CHGB: variants seen among roughly 807,000 people sequenced by gnomAD.
CHGB encodes chromogranin B.
A neutral mutation model predicts 69.9 loss-of-function variants in CHGB; 46 were observed. The observed-to-expected ratio is 0.66, with a 90% CI of 0.52 to 0.84. The LOEUF (loss-of-function observed/expected upper bound fraction) is 0.84, where lower values mean the gene tolerates loss of function less well. Ranked by LOEUF, CHGB falls within the 40% of genes least tolerant of loss-of-function variation. The pLI, the probability that CHGB is intolerant of heterozygous loss-of-function variation, is 0.00. For missense variants in CHGB, 796 were observed against 822.2 expected (o/e 0.97, Z 0.39); for synonymous variants, 312 against 298.2 (o/e 1.05, Z -0.48).
At chr20:5,917,365 T>C (rs970485175) in intron 3 of CHGB, 1 of 160,944 alleles carries the variant, frequency 6.2e-6, no homozygotes, top group Admixed American at 5.9e-5. Context: ...TCTTTGCCTT[T>C]TGCTCTTCTG....
At position 5,924,074 on chromosome 20, in the gene CHGB, G is replaced by A; in HGVS notation, c.1930G>A (p.Asp644Asn). ...QEAENEKDRADQTVLTEDEKK... is the reference protein window; with the variant it reads ...QEAENEKDRANQTVLTEDEKK... ...GGCAGAAAATGAAAAGGACAGGGCTGACCAGACAGTCCTGACAGAGGACGA... is the reference window on the plus strand; with the variant it reads ...GGCAGAAAATGAAAAGGACAGGGCTAACCAGACAGTCCTGACAGAGGACGA... The change falls in exon 4 of 5, where the codon GAC becomes AAC. Residue 644 changes from aspartate (D) to asparagine (N), a missense_variant. Around this residue, in one of 3 missense-constraint regions of CHGB, gnomAD observed 274 missense variants for 298.9 expected, o/e 0.92. Transcript: ENST00000378961. 2 of 1,612,190 alleles carry A rather than the reference G, an allele frequency of 1.2e-6. No homozygotes were observed. The highest frequency in any genetic ancestry group is 1.7e-6 in the Non-Finnish European group (2 of 1,179,080).
intron 3 of CHGB, among the ~76,000 whole-genome samples, chr20:5,919,818 C>T (rs1468339682): frequency 6.6e-6 from 1 of 152,182 alleles, no homozygotes; most frequent in Admixed American, 6.5e-5. Flanking sequence ...CTCTGTTCCA[C>T]CCCACGCCCA....
In CHGB at chr20:5,911,511, C is replaced by G. The variant is rs1175095005; in HGVS notation, c.-123C>G. The G allele has an allele frequency of 9.3e-7, 1 of 1,070,586 alleles. No individual in the cohort carries two copies. Among genetic ancestry groups the G allele is most frequent in the Non-Finnish European group, 1.3e-6 (1 of 753,300 alleles). The allele number at this position is 1,070,586 out of a possible 1,614,324, so 66.3% of individuals were successfully genotyped here. A position where few individuals can be genotyped will look rare whatever the true frequency, so the allele number is the denominator to read the frequency against. On this transcript the variant is annotated 5_prime_UTR_variant, in exon 1 of 5. Transcript: ENST00000378961. ...AGCGGGGCCTGCGCCGGCCGCGCCACACCGCGGGGACCAGGAGGCACGCTG... is the reference window on the plus strand; with the variant it reads ...AGCGGGGCCTGCGCCGGCCGCGCCAGACCGCGGGGACCAGGAGGCACGCTG...
At chr20:5,915,097 A>T (rs2088467941) in intron 1 of CHGB, among the ~76,000 whole-genome samples, 1 of 152,228 alleles carries the variant, frequency 6.6e-6, no homozygotes, top group African/African-American at 2.4e-5. Flanking sequence ...TCTCCTGCTC[A>T]GTTGCCTGCT....
chr20:5,918,639 C>T (rs2088493521), intron 3 of CHGB, among the ~76,000 whole-genome samples: 1 of 151,354 alleles, frequency 6.6e-6, no homozygotes, highest in South Asian at 2.1e-4. Flanking sequence ...AGTGAAACCC[C>T]ATCTCTACTA....
chr20:5,916,453 C>T (rs2088476095), intron 2 of CHGB, 81 bp downstream of exon 2: 1 of 1,198,092 alleles, frequency 8.3e-7, no homozygotes, highest in South Asian at 1.3e-5. Context: ...CCAAACCAAA[C>T]ACACGCATGA....
In CHGB at chr20:5,922,485, G is replaced by A. The variant is rs777454124; in HGVS notation, c.341G>A (p.Gly114Asp). The stretch of plus-strand genomic sequence containing the variant: ...GCCCCAGGGGAGGAGGACATCCAAG[G>A]CCCAACAAAGGCAGACACAGAGAAA... ...AGAPGEEDIQGPTKADTEKWA... is the reference protein window; with the variant it reads ...AGAPGEEDIQDPTKADTEKWA... Residue 114 changes from glycine to aspartate, a missense_variant, in exon 4 of 5, where the codon GGC becomes GAC. Transcript: ENST00000378961. 1 of 1,613,502 alleles carries A rather than the reference G, an allele frequency of 6.2e-7. No individual in the cohort carries two copies. The highest frequency in any genetic ancestry group is 1.6e-4 in the Middle Eastern group (1 of 6,062).
In CHGB at chr20:5,911,676, C is replaced by A; in HGVS notation, c.43C>A (p.Leu15Met). The A allele has an allele frequency of 6.8e-7, 1 of 1,477,250 alleles. No individual in the cohort carries two copies. The highest frequency in any genetic ancestry group is 8.9e-7 in the Non-Finnish European group (1 of 1,119,718). 91.5% of individuals were successfully genotyped at this position (1,477,250 alleles called of 1,614,324 possible). ...TCTCAGCCTCCTGGGAGCCGTGGGG[C>A]TGGCGGGTGAGTGGGCGCGGCGGGC... ...LLLSLLGAVG[L>M]AAVNSMPVDN... The change falls in exon 1 of 5, where the codon CTG becomes ATG. Residue 15 changes from leucine to methionine, a missense_variant. Coordinates refer to ENST00000378961, the MANE Select transcript of CHGB (RefSeq NM_001819.3).
rs761869887 is a variant in CHGB, at chr20:5,923,968, C to G, written c.1824C>G (p.Asp608Glu). The change falls in exon 4 of 5, where the codon GAC becomes GAG. Residue 608 changes from aspartate (D) to glutamate (E), a missense_variant. Physicochemically the swap from Asp to Glu is conservative, Grantham distance 45 (BLOSUM62 2). Coordinates refer to ENST00000378961, the MANE Select transcript of CHGB (RefSeq NM_001819.3). ...AATATGACAGGGTGGCCCAACTGGACCAGCTCCTTCACTACAGGAAGAAGT... is the reference window on the plus strand; with the variant it reads ...AATATGACAGGGTGGCCCAACTGGAGCAGCTCCTTCACTACAGGAAGAAGT... ...KRQYDRVAQL[D>E]QLLHYRKKSA... 5 of 1,614,038 alleles carry G rather than the reference C, an allele frequency of 3.1e-6. No individual in the cohort carries two copies. Among genetic ancestry groups the G allele is most frequent in the Non-Finnish European group, 4.2e-6 (5 of 1,179,996 alleles).
At position 5,918,947 on chromosome 20, in the gene CHGB, C is replaced by G. The variant is rs78940162; in HGVS notation, c.190+2028C>G. 8.0e-3 allele frequency among the ~76,000 whole-genome samples: 1,213 copies of G among 151,584 alleles called. 21 individuals are homozygous for G. Among genetic ancestry groups the G allele is most frequent in the African/African-American group, 0.028 (1,163 of 41,336 alleles). ...CCTAGAAACAGTGGATGGAAGCTTT[C>G]CTACCACTCCCAGCCCACATACCTC... On this transcript the variant is annotated intron_variant, in intron 3 of 4. Transcript: ENST00000378961.
intron 3 of CHGB, among the ~76,000 whole-genome samples, chr20:5,921,566 T>G (rs1287659151): frequency 3.2e-4 from 49 of 152,226 alleles, no homozygotes; most frequent in Admixed American, 3.1e-3. Flanking sequence ...AGTTATACCA[T>G]GTACTCTGAC....
At chr20:5,917,049 C>T (rs2088479919) in intron 3 of CHGB, 130 bp downstream of exon 3, 4 of 815,710 alleles carry the variant, frequency 4.9e-6, no homozygotes, top group Non-Finnish European at 8.3e-6. Flanking sequence ...TATTGATTGA[C>T]TAGGCCAGTA....
intron 3 of CHGB, among the ~76,000 whole-genome samples, chr20:5,918,177 A>C (rs1371297235): frequency 7.6e-6 from 1 of 131,542 alleles, no homozygotes; most frequent in Non-Finnish European, 1.6e-5. Context: ...AAAAACTCTC[A>C]TTGCCACCAG....
intron 3 of CHGB, among the ~76,000 whole-genome samples, chr20:5,919,564 C>G (rs2088501647): frequency 1.3e-5 from 2 of 152,172 alleles, no homozygotes; most frequent in Admixed American, 1.3e-4. Flanking sequence ...GTTGTCAAAT[C>G]TTGGGATTTT....
chr20:5,916,748 T>A (rs1223927727), intron 2 of CHGB, 78 bp from the exon 3 acceptor site: 2 of 1,340,606 alleles, frequency 1.5e-6, no homozygotes, highest in East Asian at 4.6e-5. Flanking sequence ...CAAGTCTTCC[T>A]TGACAGCAGC....
intron 2 of CHGB, 109 bp downstream of exon 2, chr20:5,916,481 A>G: frequency 1.0e-6 from 1 of 971,906 alleles, no homozygotes; most frequent in Non-Finnish European, 1.6e-6. Flanking sequence ...TTACAAAGCC[A>G]GGTTTTCATT....
In CHGB at chr20:5,922,991, C is replaced by T; in HGVS notation, c.847C>T (p.His283Tyr). 6.2e-7 allele frequency: 1 copy of T among 1,610,318 alleles called. No individual in the cohort carries two copies. Among genetic ancestry groups the T allele is most frequent in the Non-Finnish European group, 8.5e-7 (1 of 1,178,152 alleles). ...GGACAAACGACGCACGAGGCCCAGA[C>T]ACCACCACGGGAGGAGCAGGCCCGA... ...EVDKRRTRPRHHHGRSRPDRS... is the reference protein window; with the variant it reads ...EVDKRRTRPRYHHGRSRPDRS... Residue 283 changes from histidine (H) to tyrosine (Y), a missense_variant, in exon 4 of 5, where the codon CAC (histidine) becomes TAC (tyrosine). His to Tyr is a moderately conservative substitution (Grantham distance 83, BLOSUM62 2). This residue lies in a region of CHGB where 518 missense variants were observed against 506.3 expected (regional missense o/e 1.02). Transcript: ENST00000378961.
intron 4 of CHGB, among the ~76,000 whole-genome samples, 189 bp downstream of exon 4, chr20:5,924,289 T>G (rs530164181): frequency 1.3e-5 from 2 of 152,322 alleles, no homozygotes; most frequent in Non-Finnish European, 2.9e-5. Flanking sequence ...GTCCACATCC[T>G]TGTCCACCTC....
chr20:5,924,214 A>G, intron 4 of CHGB, 114 bp downstream of exon 4: 1 of 1,411,208 alleles, frequency 7.1e-7, no homozygotes, highest in Non-Finnish European at 9.4e-7. Flanking sequence ...TCACTATGAA[A>G]ATGGTGCTCT....
Sources: gnomAD v4.1 joint callset for allele counts (sites outside exome capture counted in the v4.1 genomes callset) on GRCh38, gnomAD v4.1.1 for gene constraint, gnomAD v4.1.1 regional missense constraint, MANE v1.5 for transcripts, NCBI Gene and HGNC (gene_info 2026-07-23, HGNC 2026-07-21) for gene names.